The following CYTL1 variants were observed in gnomAD, a reference collection of about 807,000 sequenced individuals.
The protein encoded by CYTL1 is cytokine like 1.
A neutral mutation model predicts 13.1 loss-of-function variants in CYTL1; 17 were observed. The ratio of observed to expected loss-of-function variants is 1.29; its 90% CI spans 0.89 to 1.94. The LOEUF (loss-of-function observed/expected upper bound fraction) is 1.94, where lower values mean the gene tolerates loss of function less well. Among genes scored for constraint, CYTL1 ranks in the 30% most tolerant of loss-of-function variants. The pLI is 0.00. For missense variants in CYTL1, 213 were observed against 174.8 expected (o/e 1.22, Z -1.23); for synonymous variants, 91 against 79.4 (o/e 1.15, Z -0.78).
chr4:5,017,269 A>C (rs1357840373), intron 1 of CYTL1, 90 bp from the exon 2 acceptor site: 11 of 1,273,362 alleles, frequency 8.6e-6, no homozygotes, highest in South Asian at 2.8e-5. Flanking sequence ...CAGCCAGACC[A>C]GCCCAGATCC....
chr4:5,019,262 C>A, intron 1 of CYTL1, 31 bp downstream of exon 1: 3 of 1,412,392 alleles, frequency 2.1e-6, no homozygotes, highest in Non-Finnish European at 2.8e-6. Context: ...GTCTGCCATG[C>A]ACCCCTGTCC....
intron 1 of CYTL1, among the ~76,000 whole-genome samples, chr4:5,018,562 T>C (rs1472762636): frequency 6.6e-6 from 1 of 152,254 alleles, no homozygotes; most frequent in Non-Finnish European, 1.5e-5. Flanking sequence ...ATGCATTTTG[T>C]TTCGACGGAG....
rs368311678 is a variant in CYTL1, at chr4:5,015,155, C to A, written c.407G>T (p.Arg136Leu). 5 of 1,613,536 alleles carry A rather than the reference C, an allele frequency of 3.1e-6. No individual in the cohort carries two copies. Among genetic ancestry groups the A allele is most frequent in the Admixed American group, 1.7e-5 (1 of 60,000 alleles). The change falls in exon 4 of 4, where the codon CGC becomes CTC. Residue 136 changes from arginine (R) to leucine (L), a missense_variant. Arg to Leu is a moderately radical substitution (Grantham distance 102, BLOSUM62 -2). Coordinates refer to ENST00000307746, the MANE Select transcript of CYTL1 (RefSeq NM_018659.3). ...CTTTCTCTGGTCTCAGTTCCCTTAG[C>A]GCTGACGATCTGGCAGGACCGTAGT... ...PVTTVLPDRQ[R>L] is the part of the protein sequence containing the mutation.
At chr4:5,018,228 C>G (rs10937614) in intron 1 of CYTL1, among the ~76,000 whole-genome samples, 1 of 151,960 alleles carries the variant, frequency 6.6e-6, no homozygotes, top group Admixed American at 6.5e-5. Context: ...ACAACACACA[C>G]GTATTTGAAT....
chr4:5,017,591 G>C (rs919659305), intron 1 of CYTL1, among the ~76,000 whole-genome samples: 1 of 150,624 alleles, frequency 6.6e-6, no homozygotes, highest in Non-Finnish European at 1.5e-5. Context: ...TATAACAGTT[G>C]TATAAGTTAG....
chr4:5,016,345 C>T (rs969968545), intron 3 of CYTL1, among the ~76,000 whole-genome samples: 3 of 152,222 alleles, frequency 2.0e-5, no homozygotes, highest in African/African-American at 7.2e-5. Flanking sequence ...CAGAAACAGA[C>T]TAAGACAGGC....
rs745805103 is a variant in CYTL1 at position 5,016,874 on chromosome 4, G to A, written c.289C>T (p.Arg97Trp). ...AQVDSLKDKA[R>W]KLYTIMNSFC... Reference sequence around the variant, plus strand: ...GAGTTCATGATGGTGTACAGCTTCCGTGCTTTGTCCTTCAAGGAATCTACC... The same window carrying A: ...GAGTTCATGATGGTGTACAGCTTCCATGCTTTGTCCTTCAAGGAATCTACC... The change falls in exon 3 of 4, where the codon CGG (arginine) becomes TGG (tryptophan). Residue 97 changes from arginine to tryptophan, a missense_variant. Arg to Trp is a moderately radical substitution (Grantham distance 101). Transcript: ENST00000307746. The A allele has an allele frequency of 1.5e-4, 248 of 1,614,178 alleles. No homozygotes were observed. The East Asian group carries it at 4.1e-3, about 27-fold the overall frequency.
chr4:5,014,900 C>A lies in CYTL1; in HGVS notation c.*251G>T. The A allele has an allele frequency of 6.4e-6, 3 of 470,936 alleles. No homozygotes were observed. Among genetic ancestry groups the A allele is most frequent in the Non-Finnish European group, 1.1e-5 (3 of 262,960 alleles). 29.2% of individuals were successfully genotyped at this position (470,936 alleles called of 1,614,324 possible). A position where few individuals can be genotyped will look rare whatever the true frequency, so the allele number is the denominator to read the frequency against. Reference sequence around the variant, plus strand: ...CTTTTCTTCTTTTTAGTGACCAAATCAACATGCTGTGTATCTAACCATCCT... The same window carrying A: ...CTTTTCTTCTTTTTAGTGACCAAATAAACATGCTGTGTATCTAACCATCCT... On this transcript the variant is annotated 3_prime_UTR_variant, in exon 4 of 4. Coordinates refer to ENST00000307746, the MANE Select transcript of CYTL1 (RefSeq NM_018659.3).
rs1741083912 is a variant in CYTL1 at position 5,016,851 on chromosome 4, G to C, written c.312C>G (p.Asn104Lys). Residue 104 changes from asparagine to lysine, a missense_variant, in exon 3 of 4, where the codon AAC (asparagine) becomes AAG (lysine). Transcript: ENST00000307746. ...DKARKLYTIMNSFCRRDLVFL... is the reference protein window; with the variant it reads ...DKARKLYTIMKSFCRRDLVFL... ...ATCCACTTACTCTCCTGCAGAACGA[G>C]TTCATGATGGTGTACAGCTTCCGTG... 2 of 1,614,192 alleles carry C rather than the reference G, an allele frequency of 1.2e-6. No homozygotes were observed. The highest frequency in any genetic ancestry group is 4.5e-5 in the East Asian group (2 of 44,882).
At chr4:5,016,556 C>G (rs1741075210) in intron 3 of CYTL1, among the ~76,000 whole-genome samples, 1 of 152,214 alleles carries the variant, frequency 6.6e-6, no homozygotes, top group Non-Finnish European at 1.5e-5. Context: ...CCCTGCCTCA[C>G]TTGGCTCCTG....
chr4:5,015,001 C>A lies in CYTL1; in HGVS notation c.*150G>T. On this transcript the variant is annotated 3_prime_UTR_variant, in exon 4 of 4. Coordinates refer to ENST00000307746, the MANE Select transcript of CYTL1 (RefSeq NM_018659.3). ...CAAAGGAGGTTCCTGGGTAGGAATACCAGCCCTGTTTTCCAGAAGGTAGAG... is the reference window on the plus strand; with the variant it reads ...CAAAGGAGGTTCCTGGGTAGGAATAACAGCCCTGTTTTCCAGAAGGTAGAG... The A allele has an allele frequency of 1.4e-6, 1 of 716,774 alleles. No homozygotes were observed. Among genetic ancestry groups the A allele is most frequent in the Non-Finnish European group, 2.4e-6 (1 of 408,282 alleles). The allele number at this position is 716,774 out of a possible 1,614,324, so 44.4% of individuals were successfully genotyped here.
In CYTL1 at chr4:5,019,388, C is replaced by T. The variant is rs529704562; in HGVS notation, c.58G>A (p.Ala20Thr). The T allele has an allele frequency of 4.7e-6, 7 of 1,496,938 alleles. No individual in the cohort carries two copies. The Admixed American group carries it at 1.4e-4, about 30-fold the overall frequency. The allele number at this position is 1,496,938 out of a possible 1,614,324, so 92.7% of individuals were successfully genotyped here. The change falls in exon 1 of 4, where the codon GCG becomes ACG. Residue 20 changes from alanine to threonine, a missense_variant. Coordinates refer to ENST00000307746, the MANE Select transcript of CYTL1 (RefSeq NM_018659.3). ...TAGCAGGTCGGGGGAGTGGGCCGCG[C>T]GGCGGGGGCTCCCGCCAGGAGCAGC... ...LLLLLAGAPAARPTPPTCYSR... is the reference protein window; with the variant it reads ...LLLLLAGAPATRPTPPTCYSR...
At position 5,014,940 on chromosome 4, in the gene CYTL1, CAAGGGA is replaced by C; in HGVS notation, c.*205_*210del. 5.3e-6 allele frequency: 3 copies of C among 562,488 alleles called. No homozygotes were observed. The highest frequency in any genetic ancestry group is 9.6e-4 in the Middle Eastern group (2 of 2,074). 34.8% of individuals were successfully genotyped at this position (562,488 alleles called of 1,614,324 possible). A position where few individuals can be genotyped will look rare whatever the true frequency, so the allele number is the denominator to read the frequency against. On this transcript the variant is annotated 3_prime_UTR_variant, in exon 4 of 4. Coordinates refer to ENST00000307746, the MANE Select transcript of CYTL1 (RefSeq NM_018659.3). ...CTAACCATCCTGGCAAGACATGAGT[CAAGGGA>C]ATGAGAAGCATGGTTGCTAACTCTA...
Position 5,019,389 on chromosome 4 carries a change from G to A in CYTL1, c.57C>T (p.Ala19=). Reference sequence around the variant, plus strand: ...AGCAGGTCGGGGGAGTGGGCCGCGCGGCGGGGGCTCCCGCCAGGAGCAGCA... The same window carrying A: ...AGCAGGTCGGGGGAGTGGGCCGCGCAGCGGGGGCTCCCGCCAGGAGCAGCA... ...VLLLLLAGAP[A]ARPTPPTCYS... The change falls in exon 1 of 4, where the codon GCC becomes GCT. Residue 19 remains alanine, a synonymous_variant. Transcript: ENST00000307746. The A allele has an allele frequency of 2.0e-6, 3 of 1,497,764 alleles. No individual in the cohort carries two copies. Among genetic ancestry groups the A allele is most frequent in the Non-Finnish European group, 2.7e-6 (3 of 1,131,770 alleles). The allele number at this position is 1,497,764 out of a possible 1,614,324, so 92.8% of individuals were successfully genotyped here.
rs1449500711 is a variant in CYTL1 at position 5,015,032 on chromosome 4, C to G, written c.*119G>C. The G allele has an allele frequency of 3.6e-6, 3 of 842,640 alleles. No homozygotes were observed. The highest frequency in any genetic ancestry group is 6.0e-6 in the Non-Finnish European group (3 of 503,838). The allele number at this position is 842,640 out of a possible 1,614,324, so 52.2% of individuals were successfully genotyped here. On this transcript the variant is annotated 3_prime_UTR_variant, in exon 4 of 4. Transcript: ENST00000307746. The stretch of plus-strand genomic sequence containing the variant: ...CTGTTTTCCAGAAGGTAGAGAGATA[C>G]ATAACAGTTTCAGATACAACTAACA...
rs777838445 is a variant in CYTL1 at position 5,016,923 on chromosome 4, C to T, written c.240G>A (p.Ser80=). The T allele has an allele frequency of 1.7e-5, 28 of 1,614,048 alleles. 1 individual carries two copies. The highest frequency in any genetic ancestry group is 6.6e-5 in the South Asian group (6 of 91,088). The stretch of plus-strand genomic sequence containing the variant: ...CCTGGGCCACTTTCCAACACGGGGG[C>T]GAGGCCACAAAGTCCCGCAGCTTGT... The part of the protein sequence containing the change: ...VLDKLRDFVA[S]PPCWKVAQVD... Residue 80 remains serine (S), a synonymous_variant, in exon 3 of 4, where the codon TCG becomes TCA. Coordinates refer to ENST00000307746, the MANE Select transcript of CYTL1 (RefSeq NM_018659.3).
chr4:5,017,173 A>G lies in CYTL1; in HGVS notation c.160T>C (p.Cys54Arg). 6.2e-7 allele frequency: 1 copy of G among 1,613,950 alleles called. No individual in the cohort carries two copies. The highest frequency in any genetic ancestry group is 1.1e-5 in the South Asian group (1 of 91,074). The change falls in exon 2 of 4, where the codon TGT (cysteine) becomes CGT (arginine). Residue 54 changes from cysteine (C) to arginine (R), a missense_variant. Coordinates refer to ENST00000307746, the MANE Select transcript of CYTL1 (RefSeq NM_018659.3). ...TACAGCCTGGGCAGGTATCTCACAC[A>G]TGGCTCCTGTGGAAAGGGATAAGGG... The part of the protein sequence containing the change: ...LLQVSEPSEP[C>R]VRYLPRLYLD...
intron 3 of CYTL1, among the ~76,000 whole-genome samples, chr4:5,015,449 A>T (rs1741052819): frequency 6.6e-6 from 1 of 152,002 alleles, no homozygotes; most frequent in African/African-American, 2.4e-5. Flanking sequence ...ACATTCCAAT[A>T]AAATTTCATG....
At position 5,019,429 on chromosome 4, in the gene CYTL1, G is replaced by A. The variant is rs1294816038; in HGVS notation, c.17C>T (p.Pro6Leu). The change falls in exon 1 of 4, where the codon CCT becomes CTT. Residue 6 changes from proline to leucine, a missense_variant. Transcript: ENST00000307746. ...CAGGAGCAGCAGCAGCACGGGCAGAGGCCCAGGCGTCCTCATGGTGCCAGG... is the reference window on the plus strand; with the variant it reads ...CAGGAGCAGCAGCAGCACGGGCAGAAGCCCAGGCGTCCTCATGGTGCCAGG... MRTPGPLPVLLLLLAG... is the reference protein window; with the variant it reads MRTPGLLPVLLLLLAG... 1.4e-6 allele frequency: 2 copies of A among 1,477,056 alleles called. No individual in the cohort carries two copies. The highest frequency in any genetic ancestry group is 2.7e-5 in the South Asian group (2 of 74,280). The allele number at this position is 1,477,056 out of a possible 1,614,324, so 91.5% of individuals were successfully genotyped here.
Sources: allele counts gnomAD v4.1 joint callset (sites outside exome capture counted in the v4.1 genomes callset), GRCh38; gene constraint gnomAD v4.1.1; transcripts MANE v1.5; gene names NCBI Gene and HGNC (gene_info 2026-07-23, HGNC 2026-07-21).